The following GYPE variants were observed in gnomAD, a reference collection of about 807,000 sequenced individuals.
GYPE encodes the protein glycophorin E (MNS blood group), also known as glycophorin-E.
Under a neutral mutation model 11.6 loss-of-function variants are expected in GYPE, and 8 were observed. The observed-to-expected ratio is 0.69, with a 90% confidence interval of 0.41 to 1.25. The LOEUF is 1.25. Ranked by LOEUF, GYPE falls within the 50% of genes most tolerant of loss-of-function variation. The probability of loss-of-function intolerance (pLI) is 0.01; values close to 1 mark genes in which losing one functional copy is unlikely to be tolerated. For synonymous variants in GYPE, 28 were observed against 29.6 expected, an observed-to-expected ratio of 0.94 and a Z score of 0.18; for missense variants, 90 against 92.8, an observed-to-expected ratio of 0.97 and a Z score of 0.12.
intron 1 of GYPE, among the ~76,000 whole-genome samples, chr4:143,889,208 C>A (rs1744310903): frequency 6.6e-6 from 1 of 151,922 alleles, no homozygotes; most frequent in Admixed American, 6.6e-5. Flanking sequence ...CTTCAGGAAG[C>A]CTGAACTTTT....
At chr4:143,881,894 C>T (rs1034463120) in intron 1 of GYPE, among the ~76,000 whole-genome samples, 10 of 152,176 alleles carry the variant, frequency 6.6e-5, no homozygotes, top group Non-Finnish European at 1.5e-4. Flanking sequence ...CTTGGCCCCT[C>T]AGCTGAATGC....
intron 1 of GYPE, among the ~76,000 whole-genome samples, chr4:143,895,020 C>G (rs987861305): frequency 6.6e-6 from 1 of 152,176 alleles, no homozygotes; most frequent in African/African-American, 2.4e-5. Flanking sequence ...ATAATAACAG[C>G]AATCTATGAC....
At chr4:143,875,433 G>C in intron 3 of GYPE, 2 of 1,549,852 alleles carry the variant, frequency 1.3e-6, no homozygotes, top group South Asian at 2.4e-5. Context: ...GGTGCAGCCA[G>C]TTTGCATAAG....
chr4:143,880,970 A>G lies in GYPE; in HGVS notation c.38-461T>C, dbSNP rs1464725457. Among the ~76,000 whole-genome samples the G allele has an allele frequency of 3.9e-5, 6 of 152,320 alleles. No homozygotes were observed. In the East Asian group the frequency reaches 1.2e-3, roughly 29 times the overall value. ...TGAAGTTGCATTTTGGAAACTGTCT[A>G]TGCTAAGAAAGGTGGAAGCGCATAA... On this transcript the variant is annotated intron_variant, in intron 1 of 3. Transcript: ENST00000358615.
At chr4:143,896,787 G>C (rs962617994) in intron 1 of GYPE, among the ~76,000 whole-genome samples, 23 of 152,184 alleles carry the variant, frequency 1.5e-4, no homozygotes, top group African/African-American at 5.3e-4. Context: ...ACTGGATTAA[G>C]AAAATGTGGC....
At chr4:143,903,771 T>G (rs1167341824) in intron 1 of GYPE, among the ~76,000 whole-genome samples, 1 of 150,952 alleles carries the variant, frequency 6.6e-6, no homozygotes, top group Non-Finnish European at 1.5e-5. Flanking sequence ...ATTTAAGGCT[T>G]TAATTCACTA....
intron 1 of GYPE, 74 bp downstream of exon 1, chr4:143,905,397 A>G (rs1476416415): frequency 1.2e-6 from 2 of 1,606,182 alleles, no homozygotes; most frequent in East Asian, 2.2e-5. Flanking sequence ...TAGAACTAAA[A>G]TAGGGTAGTT....
intron 2 of GYPE, among the ~76,000 whole-genome samples, chr4:143,879,763 G>GT: frequency 6.6e-6 from 1 of 152,134 alleles, no homozygotes; most frequent in Middle Eastern, 3.2e-3. Flanking sequence ...GACATAAAGT[G>GT]TATCATGAAA....
At chr4:143,874,299 A>T (rs1244163220) in intron 3 of GYPE, among the ~76,000 whole-genome samples, 3 of 151,942 alleles carry the variant, frequency 2.0e-5, no homozygotes, top group Non-Finnish European at 4.4e-5. Context: ...CCCATCCCAC[A>T]GCCCCCTCAC....
chr4:143,884,114 T>C (rs1431846891), intron 1 of GYPE, among the ~76,000 whole-genome samples: 10 of 150,920 alleles, frequency 6.6e-5, no homozygotes, highest in African/African-American at 2.4e-4. Flanking sequence ...CTCTTGGGGC[T>C]CCAGCCATTC....
intron 3 of GYPE, among the ~76,000 whole-genome samples, chr4:143,876,220 C>T (rs1218784554): frequency 6.6e-6 from 1 of 151,886 alleles, no homozygotes; most frequent in Non-Finnish European, 1.5e-5. Context: ...CTGAAGCAAT[C>T]CTCCCACTTC....
Position 143,903,121 on chromosome 4 carries a change from T to C in GYPE, c.37+2350A>G, listed in dbSNP as rs539039925. Among the ~76,000 whole-genome samples, 4 of 152,194 alleles carry C rather than the reference T, an allele frequency of 2.6e-5. No individual in the cohort carries two copies. The East Asian group carries it at 7.7e-4, about 29-fold the overall frequency. On this transcript the variant is annotated intron_variant, in intron 1 of 3. Transcript: ENST00000358615. ...GTCATCTACTCAGAAAATAACTCCC[T>C]GCTACCCTTTTCTTAAGCAGTTTTC...
intron 3 of GYPE, among the ~76,000 whole-genome samples, chr4:143,874,117 T>C (rs942149557): frequency 1.3e-5 from 2 of 152,122 alleles, no homozygotes; most frequent in African/African-American, 2.4e-5. Context: ...TATATGTATA[T>C]ATGTATTTAG....
intron 1 of GYPE, among the ~76,000 whole-genome samples, chr4:143,889,814 C>A (rs1009094265): frequency 3.3e-5 from 5 of 152,248 alleles, no homozygotes; most frequent in Middle Eastern, 3.4e-3. Context: ...CTAGCTGAGA[C>A]CCTATTGTTA....
chr4:143,892,906 G>T (rs1236945364), intron 1 of GYPE, among the ~76,000 whole-genome samples: 2 of 150,598 alleles, frequency 1.3e-5, no homozygotes, highest in Admixed American at 1.3e-4. Flanking sequence ...TGTTGACAGT[G>T]GGGTGTTAAA....
rs1167222386 is a variant in GYPE at position 143,872,092 on chromosome 4, G to C, written c.*170C>G. 2 of 152,496 alleles carry C rather than the reference G, an allele frequency of 1.3e-5. No homozygotes were observed. The highest frequency in any genetic ancestry group is 1.9e-4 in the East Asian group (1 of 5,172). The allele number at this position is 152,496 out of a possible 1,614,324, so 9.4% of individuals were successfully genotyped here. On this transcript the variant is annotated 3_prime_UTR_variant, in exon 4 of 4. Coordinates refer to ENST00000358615, the MANE Select transcript of GYPE (RefSeq NM_198682.3). ...TCTCTCTACGCCTTTGAGAGACTCA[G>C]CATTTAGTTTCTGACTCCTAGAGTC... is the stretch of plus-strand genomic sequence containing the variant.
At chr4:143,894,311 G>A (rs982954528) in intron 1 of GYPE, among the ~76,000 whole-genome samples, 2 of 152,106 alleles carry the variant, frequency 1.3e-5, no homozygotes, top group African/African-American at 2.4e-5. Context: ...CTCTCAATTC[G>A]TCAAAGTCAT....
chr4:143,903,932 T>C lies in GYPE; in HGVS notation c.37+1539A>G, dbSNP rs183585966. 1.5e-3 allele frequency among the ~76,000 whole-genome samples: 224 copies of C among 152,282 alleles called. 1 individual carries two copies. Among genetic ancestry groups the C allele is most frequent in the Middle Eastern group, 6.8e-3 (2 of 294 alleles). On this transcript the variant is annotated intron_variant, in intron 1 of 3. Coordinates refer to ENST00000358615, the MANE Select transcript of GYPE (RefSeq NM_198682.3). ...TATGCAGTGTCTAATTTTGTTTGAG[T>C]TACATCCAGTTTGGTTTGCCCCATG...
At chr4:143,880,578 A>G (rs1743987303) in intron 1 of GYPE, 69 bp from the exon 2 acceptor site, 1 of 1,610,910 alleles carries the variant, frequency 6.2e-7, no homozygotes, top group Admixed American at 1.7e-5. Context: ...AGCATATCAC[A>G]AAAGACAAAT....
Sources: allele counts gnomAD v4.1 joint callset (sites outside exome capture counted in the v4.1 genomes callset), GRCh38; gene constraint gnomAD v4.1.1; transcripts MANE v1.5; gene names NCBI Gene and HGNC (gene_info 2026-07-23, HGNC 2026-07-21).